The following DDAH1 variants were observed in gnomAD, a reference collection of about 807,000 sequenced individuals.
DDAH1 encodes N(G),N(G)-dimethylarginine dimethylaminohydrolase 1.
In DDAH1, 19 loss-of-function variants were observed where a neutral mutation model predicts 28.8. The ratio of observed to expected loss-of-function variants is 0.66; its 90% confidence interval spans 0.46 to 0.97. The LOEUF is 0.97. Among genes scored for constraint, DDAH1 ranks in the 50% least tolerant of loss-of-function variants. The pLI is 0.00. For synonymous variants in DDAH1, 153 were observed against 154.4 expected (o/e 0.99, Z 0.07); for missense variants, 326 against 375.9 (o/e 0.87, Z 1.10).
intron 1 of DDAH1, among the ~76,000 whole-genome samples, chr1:85,520,134 G>A (rs1212812791): frequency 6.6e-6 from 1 of 152,046 alleles, no homozygotes; most frequent in Non-Finnish European, 1.5e-5. Flanking sequence ...AAAGTCCACT[G>A]TATCATTCTT....
chr1:85,431,637 T>C (rs1336920617), intron 1 of DDAH1, among the ~76,000 whole-genome samples: 3 of 151,912 alleles, frequency 2.0e-5, no homozygotes, highest in African/African-American at 7.3e-5. Flanking sequence ...TCTACGATAG[T>C]GTTAGAAACA....
chr1:85,381,370 G>C (rs896117796), intron 1 of DDAH1, among the ~76,000 whole-genome samples: 2 of 144,660 alleles, frequency 1.4e-5, no homozygotes, highest in Admixed American at 1.4e-4. Flanking sequence ...CAATAGTTTT[G>C]GGGGAGCAGG....
chr1:85,405,060 T>C (rs1652342683), intron 1 of DDAH1, among the ~76,000 whole-genome samples: 1 of 152,234 alleles, frequency 6.6e-6, no homozygotes, highest in South Asian at 2.1e-4. Context: ...ATTTTGCTGA[T>C]ATCACTGTTG....
At chr1:85,557,562 CT>C (rs1239972439) in intron 1 of DDAH1, among the ~76,000 whole-genome samples, 9 of 152,122 alleles carry the variant, frequency 5.9e-5, no homozygotes, top group African/African-American at 2.2e-4. Flanking sequence ...AAGAAATTAG[CT>C]TTTTTTCACT....
intron 1 of DDAH1, among the ~76,000 whole-genome samples, chr1:85,384,893 C>T (rs1227449070): frequency 1.3e-5 from 2 of 152,146 alleles, no homozygotes; most frequent in East Asian, 3.8e-4. Context: ...GATAAAACTT[C>T]TTTAGGATTT....
At chr1:85,482,118 A>G (rs1190943778) in intron 2 of DDAH1, among the ~76,000 whole-genome samples, 2 of 152,198 alleles carry the variant, frequency 1.3e-5, no homozygotes, top group African/African-American at 2.4e-5. Flanking sequence ...TAGCATGTGC[A>G]TAGATTACCT....
At chr1:85,371,879 T>C (rs1479789710) in intron 1 of DDAH1, among the ~76,000 whole-genome samples, 3 of 152,200 alleles carry the variant, frequency 2.0e-5, no homozygotes, top group East Asian at 1.9e-4. Flanking sequence ...TTTTCACCAA[T>C]TGTGGAGCTT....
intron 1 of DDAH1, among the ~76,000 whole-genome samples, chr1:85,574,929 G>T (rs1659559288): frequency 6.6e-6 from 1 of 151,888 alleles, no homozygotes; most frequent in South Asian, 2.1e-4. Context: ...AACATAGTTG[G>T]GGAGAAAACG....
chr1:85,463,734 AG>A (rs527680833), intron 1 of DDAH1, among the ~76,000 whole-genome samples: 286 of 152,350 alleles, frequency 1.9e-3, no homozygotes, highest in Middle Eastern at 6.8e-3. Context: ...CAGACAAAAT[AG>A]AAAAAAAATT....
intron 5 of DDAH1, among the ~76,000 whole-genome samples, chr1:85,322,934 T>A (rs1661412119): frequency 6.6e-6 from 1 of 152,156 alleles, no homozygotes. Context: ...CTTGTTGATA[T>A]TGCAGATTCT....
chr1:85,380,963 G>T (rs1311153223), intron 1 of DDAH1, among the ~76,000 whole-genome samples: 2 of 152,104 alleles, frequency 1.3e-5, no homozygotes, highest in Non-Finnish European at 2.9e-5. Context: ...CTAGCCGGGC[G>T]TGGTGGCTCA....
chr1:85,377,415 C>T (rs1570455472), intron 1 of DDAH1, among the ~76,000 whole-genome samples: 1 of 151,980 alleles, frequency 6.6e-6, no homozygotes, highest in Non-Finnish European at 1.5e-5. Context: ...GCTGGGATTT[C>T]ATCATTTCAT....
intron 4 of DDAH1, among the ~76,000 whole-genome samples, chr1:85,346,531 G>T (rs2100833487): frequency 6.6e-6 from 1 of 152,252 alleles, no homozygotes; most frequent in South Asian, 2.1e-4. Flanking sequence ...GGCAACTGGG[G>T]CCAGGGGAAT....
At chr1:85,407,401 G>A (rs1374311191) in intron 1 of DDAH1, among the ~76,000 whole-genome samples, 1 of 152,140 alleles carries the variant, frequency 6.6e-6, no homozygotes, top group African/African-American at 2.4e-5. Context: ...AACTCACATT[G>A]CTAGACACTA....
intron 2 of DDAH1, among the ~76,000 whole-genome samples, chr1:85,479,286 G>T (rs959691600): frequency 1.4e-5 from 2 of 147,360 alleles, no homozygotes. Flanking sequence ...CCATTCTCCT[G>T]CCTCAGCCTC....
At chr1:85,578,005 G>T in exon 1 of DDAH1, 1 of 985,426 alleles carries the variant, frequency 1.0e-6, no homozygotes, top group Non-Finnish European at 1.2e-6. Context: ...TGCACATTTC[G>T]CCTCCTGTCC....
At chr1:85,415,980 C>G (rs1259086333) in intron 1 of DDAH1, among the ~76,000 whole-genome samples, 1 of 151,956 alleles carries the variant, frequency 6.6e-6, no homozygotes, top group African/African-American at 2.4e-5. Context: ...TAGGAATTAT[C>G]TACTTATATA....
At chr1:85,398,325 G>A (rs189889556) in intron 1 of DDAH1, 1 of 152,282 alleles carries the variant, frequency 6.6e-6, no homozygotes, top group East Asian at 1.9e-4. Flanking sequence ...AACTTATTTT[G>A]CAAACAAATT....
chr1:85,434,944 A>G (rs1378144360), intron 1 of DDAH1, among the ~76,000 whole-genome samples: 1 of 152,070 alleles, frequency 6.6e-6, no homozygotes. Context: ...AAATCTTGAC[A>G]GTATATAATA....
Sources: allele counts gnomAD v4.1 joint callset (sites outside exome capture counted in the v4.1 genomes callset), GRCh38; gene constraint gnomAD v4.1.1; transcripts MANE v1.5; gene names NCBI Gene and HGNC (gene_info 2026-07-23, HGNC 2026-07-21).